Variants in DLST observed in about 807,000 individuals in gnomAD.
The protein encoded by DLST is dihydrolipoyllysine-residue succinyltransferase component of 2-oxoglutarate dehydrogenase complex, mitochondrial.
In DLST, 17 loss-of-function variants were observed where a neutral mutation model predicts 53.1. The observed-to-expected ratio is 0.32, with a 90% CI of 0.22 to 0.48. The LOEUF is 0.48. DLST is among the 20% of genes least tolerant of loss of function. DLST has a pLI of 0.99. For synonymous variants in DLST, 206 were observed against 204.8 expected (o/e 1.01, Z -0.05); for missense variants, 512 against 583.9 (o/e 0.88, Z 1.27).
At chr14:74,892,017 T>C (rs150287076) in intron 7 of DLST, 23 of 273,998 alleles carry the variant, frequency 8.4e-5, no homozygotes, top group African/African-American at 4.8e-4. Context: ...AGATTATTAC[T>C]TGGCCACTTC....
At chr14:74,899,719 A>T (rs1884181310) in intron 11 of DLST, among the ~76,000 whole-genome samples, 1 of 152,208 alleles carries the variant, frequency 6.6e-6, no homozygotes, top group South Asian at 2.1e-4. Context: ...GCCCAGGCTC[A>T]GTCAGGGACT....
At chr14:74,884,997 A>G (rs940861966) in intron 2 of DLST, among the ~76,000 whole-genome samples, 2 of 152,226 alleles carry the variant, frequency 1.3e-5, no homozygotes, top group Non-Finnish European at 2.9e-5. Flanking sequence ...GGAAGACTTC[A>G]GAAAGGCATG....
At chr14:74,882,706 T>C in intron 2 of DLST, 82 bp downstream of exon 2, 2 of 1,279,564 alleles carry the variant, frequency 1.6e-6, no homozygotes, top group African/African-American at 1.5e-5. Flanking sequence ...TGCCTGTGTT[T>C]CTCATAATAT....
chr14:74,894,215 C>T, intron 9 of DLST, 97 bp from the exon 10 acceptor site: 1 of 1,431,974 alleles, frequency 7.0e-7, no homozygotes, highest in Non-Finnish European at 9.6e-7. Context: ...AGTCCTTGGC[C>T]ATCTACTCGT....
Position 74,898,370 on chromosome 14 carries a change from A to G in DLST, c.772A>G (p.Asn258Asp). ...LTTFNEIDMS[N>D]IQEMRARHKE... is the part of the protein sequence containing the mutation. Reference sequence around the variant, plus strand: ...GTTTGTTTTGTAATATTTTCACAGTAACATCCAGGAGATGAGGGCTCGGCA... The same window carrying G: ...GTTTGTTTTGTAATATTTTCACAGTGACATCCAGGAGATGAGGGCTCGGCA... The change falls in exon 11 of 15, where the codon AAC (asparagine) becomes GAC (aspartate). Residue 258 changes from asparagine (N) to aspartate (D), a missense_variant and splice_region_variant. Physicochemically the swap from Asn to Asp is conservative, Grantham distance 23. Coordinates refer to ENST00000334220, the MANE Select transcript of DLST (RefSeq NM_001933.5). 1 of 1,610,244 alleles carries G rather than the reference A, an allele frequency of 6.2e-7. No individual in the cohort carries two copies.
At chr14:74,888,087 C>G (rs1883768376) in intron 3 of DLST, among the ~76,000 whole-genome samples, 2 of 152,102 alleles carry the variant, frequency 1.3e-5, no homozygotes, top group Admixed American at 1.3e-4. Context: ...CTGTTAATGG[C>G]TTTGTGCATA....
intron 12 of DLST, 134 bp downstream of exon 12, chr14:74,900,130 T>C (rs1884196003): frequency 2.8e-6 from 3 of 1,078,410 alleles, no homozygotes; most frequent in South Asian, 1.4e-5. Context: ...ACCTTTTTTT[T>C]CTTTTAAACC....
chr14:74,896,098 ATCC>A (rs1884071420), intron 10 of DLST, among the ~76,000 whole-genome samples: 1 of 152,166 alleles, frequency 6.6e-6, no homozygotes, highest in Non-Finnish European at 1.5e-5. Flanking sequence ...GGGTCAAGCC[ATCC>A]TCCTGCTTTG....
In DLST at chr14:74,902,765, C is replaced by T. The variant is rs1198845426; in HGVS notation, c.*435C>T. ...GCTGTGCCTCCCAAGCTCAGAGCAG[C>T]CTCTGTCCTGGCTGTGCACATTCTC... On this transcript the variant is annotated 3_prime_UTR_variant, in exon 15 of 15. Transcript: ENST00000334220. 1.9e-5 allele frequency: 3 copies of T among 153,958 alleles called. No individual in the cohort carries two copies. The highest frequency in any genetic ancestry group is 7.2e-5 in the African/African-American group (3 of 41,494). The allele number at this position is 153,958 out of a possible 1,614,324, so 9.5% of individuals were successfully genotyped here.
At chr14:74,887,662 C>T (rs537015614) in intron 3 of DLST, among the ~76,000 whole-genome samples, 6 of 152,298 alleles carry the variant, frequency 3.9e-5, no homozygotes, top group South Asian at 4.1e-4. Context: ...TCTAGCCCCC[C>T]GAATGCCTCT....
At chr14:74,882,292 G>C (rs1883548627) in intron 1 of DLST, among the ~76,000 whole-genome samples, 3 of 152,238 alleles carry the variant, frequency 2.0e-5, no homozygotes, top group Admixed American at 1.3e-4. Flanking sequence ...CGCCCGTCCA[G>C]ATACTTGACT....
intron 1 of DLST, 88 bp downstream of exon 1, chr14:74,882,104 CGGCCG>C (rs1199249154): frequency 1.0e-5 from 13 of 1,245,568 alleles, no homozygotes; most frequent in Non-Finnish European, 1.3e-5. Context: ...CGCGGCGCGC[CGGCCG>C]GGCCGGGCAC....
intron 10 of DLST, among the ~76,000 whole-genome samples, chr14:74,895,849 T>C (rs55707505): frequency 0.35 from 52,524 of 151,744 alleles, 9,345 homozygotes; most frequent in African/African-American, 0.4. Flanking sequence ...GTGGCTGATA[T>C]CGCGCCACTG....
Position 74,891,121 on chromosome 14 carries a change from A to C in DLST, c.396A>C (p.Gly132=), listed in dbSNP as rs372703694. ...VIEALLVPDG[G]KVEGGTPLFT... Reference sequence around the variant, plus strand: ...AAGCTCTTTTGGTACCTGATGGGGGAAAAGTCGAAGGAGGCACTCCACTTT... The same window carrying C: ...AAGCTCTTTTGGTACCTGATGGGGGCAAAGTCGAAGGAGGCACTCCACTTT... The change falls in exon 7 of 15, where the codon GGA becomes GGC. Residue 132 remains glycine (G), a synonymous_variant. Transcript: ENST00000334220. The C allele has an allele frequency of 8.1e-6, 13 of 1,613,742 alleles. No homozygotes were observed. Among genetic ancestry groups the C allele is most frequent in the African/African-American group, 1.3e-5 (1 of 74,924 alleles).
chr14:74,898,515 C>T lies in DLST; in HGVS notation c.901+16C>T, dbSNP rs1884142713. 21 of 1,613,510 alleles carry T rather than the reference C, an allele frequency of 1.3e-5. No homozygotes were observed. Among genetic ancestry groups the T allele is most frequent in the Non-Finnish European group, 1.7e-5 (20 of 1,179,612 alleles). ...GTAAATGCAGGTGAGTTGCTTGTGG[C>T]TGGAATTGGAGAGGTCCTGGGAGGT... On this transcript the variant is annotated intron_variant, in intron 11 of 14. Transcript: ENST00000334220.
In DLST at chr14:74,881,961, C is replaced by G. The variant is rs559601136; in HGVS notation, c.8C>G (p.Ser3Cys). Residue 3 changes from serine (S) to cysteine (C), a missense_variant, in exon 1 of 15, where the codon TCC becomes TGC. Transcript: ENST00000334220. ML[S>C]RSRCVSRAFS... ...CTCGGCTCCTCCGCCGTGATGCTGT[C>G]CCGATCCCGCTGTGTGTCTCGGGCG... is the stretch of plus-strand genomic sequence containing the variant. 6.4e-6 allele frequency: 10 copies of G among 1,566,380 alleles called. No individual in the cohort carries two copies. The highest frequency in any genetic ancestry group is 3.5e-5 in the Admixed American group (2 of 56,916).
At chr14:74,887,021 A>G (rs1883727965) in intron 3 of DLST, among the ~76,000 whole-genome samples, 1 of 152,122 alleles carries the variant, frequency 6.6e-6, no homozygotes, top group Non-Finnish European at 1.5e-5. Flanking sequence ...GATTACAAGC[A>G]TGAGCCACTG....
chr14:74,902,051 T>C, intron 14 of DLST, 145 bp from the exon 15 acceptor site: 1 of 901,700 alleles, frequency 1.1e-6, no homozygotes, highest in Non-Finnish European at 1.5e-6. Flanking sequence ...AGTCCTGGTC[T>C]TTGAAATACT....
Position 74,889,904 on chromosome 14 carries a change from A to C in DLST, c.282A>C (p.Gly94=). 1 of 1,613,920 alleles carries C rather than the reference A, an allele frequency of 6.2e-7. No homozygotes were observed. The part of the protein sequence containing the change: ...EGDVRWEKAV[G]DTVAEDEVVC... ...CTTTGATTGTCTTTTCAGCTGTTGG[A>C]GACACAGTTGCAGAAGATGAAGTGG... is the stretch of plus-strand genomic sequence containing the variant. The change falls in exon 6 of 15, where the codon GGA becomes GGC. Residue 94 remains glycine, a synonymous_variant. Coordinates refer to ENST00000334220, the MANE Select transcript of DLST (RefSeq NM_001933.5).
Sources: gnomAD v4.1 joint callset for allele counts (sites outside exome capture counted in the v4.1 genomes callset) on GRCh38, gnomAD v4.1.1 for gene constraint, MANE v1.5 for transcripts, NCBI Gene and HGNC (gene_info 2026-07-23, HGNC 2026-07-21) for gene names.